The following PIK3C3 variants were observed in gnomAD, a reference collection of about 807,000 sequenced individuals.
The protein encoded by PIK3C3 is phosphatidylinositol 3-kinase catalytic subunit type 3.
Under a neutral mutation model 126.1 loss-of-function variants are expected in PIK3C3, and 95 were observed. The observed-to-expected ratio is 0.75, with a 90% CI of 0.64 to 0.89. The LOEUF (loss-of-function observed/expected upper bound fraction) is 0.89, where lower values mean the gene tolerates loss of function less well. Among genes scored for constraint, PIK3C3 ranks in the 40% least tolerant of loss-of-function variants. PIK3C3 has a pLI of 0.00. For missense variants in PIK3C3, 829 were observed against 1,063.2 expected, an observed-to-expected ratio of 0.78 and a Z score of 3.06; for synonymous variants, 374 against 360.0, an observed-to-expected ratio of 1.04 and a Z score of -0.44.
intron 11 of PIK3C3, among the ~76,000 whole-genome samples, chr18:42,013,863 C>T (rs1375494702): frequency 6.6e-6 from 1 of 152,120 alleles, no homozygotes; most frequent in African/African-American, 2.4e-5. Context: ...TACATATTCT[C>T]TATGTGTCTC....
At chr18:42,028,831 G>A (rs1172252370) in intron 14 of PIK3C3, among the ~76,000 whole-genome samples, 1 of 152,216 alleles carries the variant, frequency 6.6e-6, no homozygotes, top group Non-Finnish European at 1.5e-5. Flanking sequence ...ACATAGGACC[G>A]TATAGCATTT....
In PIK3C3 at chr18:41,993,302, T is replaced by C; in HGVS notation, c.747T>C (p.Ser249=). ...ATGAATCATCTCCAATTTTAACAAG[T>C]TTTGAATTAGTGAAAGTTCCTGACC... is the stretch of plus-strand genomic sequence containing the variant. ...DGDESSPILT[S]FELVKVPDPQ... The change falls in exon 7 of 25, where the codon AGT becomes AGC. Residue 249 remains serine, a synonymous_variant. Transcript: ENST00000262039. 1 of 1,610,410 alleles carries C rather than the reference T, an allele frequency of 6.2e-7. No homozygotes were observed. Among genetic ancestry groups the C allele is most frequent in the Non-Finnish European group, 8.5e-7 (1 of 1,177,510 alleles).
intron 4 of PIK3C3, chr18:41,971,302 A>G (rs370392562): frequency 6.6e-6 from 1 of 152,078 alleles, no homozygotes; most frequent in East Asian, 1.9e-4. Flanking sequence ...TTTTGTTGCT[A>G]AGCTTTTAAC....
intron 14 of PIK3C3, 84 bp from the exon 15 acceptor site, chr18:42,029,241 T>C (rs1438013236): frequency 1.4e-5 from 11 of 780,798 alleles, no homozygotes; most frequent in South Asian, 1.3e-4. Context: ...GTGAGAAATA[T>C]GAATAAGGAT....
intron 17 of PIK3C3, among the ~76,000 whole-genome samples, chr18:42,038,474 T>C (rs957272156): frequency 1.3e-5 from 2 of 152,054 alleles, no homozygotes; most frequent in African/African-American, 4.8e-5. Flanking sequence ...CCCGAGTAGT[T>C]GGGACTACAG....
chr18:42,079,667 G>A (rs986001098), intron 24 of PIK3C3, among the ~76,000 whole-genome samples: 1 of 152,070 alleles, frequency 6.6e-6, no homozygotes, highest in Admixed American at 6.6e-5. Flanking sequence ...AGAGACCTTT[G>A]GTTCAATAGC....
chr18:41,968,976 A>C (rs1262740856), intron 3 of PIK3C3, among the ~76,000 whole-genome samples: 1 of 151,362 alleles, frequency 6.6e-6, no homozygotes, highest in East Asian at 1.9e-4. Flanking sequence ...GTACCCACCT[A>C]ATTTTAGTTT....
In PIK3C3 at chr18:41,970,367, A is replaced by G; in HGVS notation, c.442A>G (p.Asn148Asp). 6.2e-7 allele frequency: 1 copy of G among 1,613,098 alleles called. No homozygotes were observed. Among genetic ancestry groups the G allele is most frequent in the African/African-American group, 1.3e-5 (1 of 74,982 alleles). Residue 148 changes from asparagine to aspartate, a missense_variant, in exon 4 of 25, where the codon AAT becomes GAT. Physicochemically the swap from Asn to Asp is conservative, Grantham distance 23 (BLOSUM62 1). Transcript: ENST00000262039. ...GATGCATGACTTGAAAGTCTGGCCT[A>G]ATGTAGAAGCAGATGGATCAGAACC... ...QGMHDLKVWPNVEADGSEPTK... is the reference protein window; with the variant it reads ...QGMHDLKVWPDVEADGSEPTK...
chr18:42,053,563 A>G (rs538932207), intron 21 of PIK3C3, among the ~76,000 whole-genome samples: 1 of 152,324 alleles, frequency 6.6e-6, no homozygotes, highest in South Asian at 2.1e-4. Context: ...AAGAAATTAC[A>G]AAGCTAGGCT....
intron 3 of PIK3C3, among the ~76,000 whole-genome samples, chr18:41,968,022 TC>T (rs1980460199): frequency 6.6e-6 from 1 of 152,222 alleles, no homozygotes; most frequent in Non-Finnish European, 1.5e-5. Context: ...TCTGCAAAGT[TC>T]CATTAGTGTC....
Position 42,027,168 on chromosome 18 carries a change from G to A in PIK3C3, c.1485-275G>A, listed in dbSNP as rs1983606945. The A allele has an allele frequency of 3.3e-5, 7 of 210,856 alleles. No homozygotes were observed. In the South Asian group the frequency reaches 5.5e-4, roughly 16 times the overall value. 13.1% of individuals were successfully genotyped at this position (210,856 alleles called of 1,614,324 possible). A position where few individuals can be genotyped will look rare whatever the true frequency, so the allele number is the denominator to read the frequency against. On this transcript the variant is annotated intron_variant, in intron 13 of 24. Transcript: ENST00000262039. ...TGTTAATACTCTACCTCATAAATAG[G>A]AGAAAATGCTTGTTTTGGTGGCAAA...
chr18:41,970,381 T>C lies in PIK3C3; in HGVS notation c.456T>C (p.Asp152=). The change falls in exon 4 of 25, where the codon GAT becomes GAC. Residue 152 remains aspartate (D), a synonymous_variant. Transcript: ENST00000262039. ...AAGTCTGGCCTAATGTAGAAGCAGATGGATCAGAACCCACAAAAACTCCTG... is the reference window on the plus strand; with the variant it reads ...AAGTCTGGCCTAATGTAGAAGCAGACGGATCAGAACCCACAAAAACTCCTG... ...DLKVWPNVEA[D]GSEPTKTPGR... is the part of the protein sequence containing the mutation. The C allele has an allele frequency of 6.2e-7, 1 of 1,613,322 alleles. No homozygotes were observed. Among genetic ancestry groups the C allele is most frequent in the Non-Finnish European group, 8.5e-7 (1 of 1,179,326 alleles).
intron 14 of PIK3C3, among the ~76,000 whole-genome samples, chr18:42,027,955 C>T (rs889860960): frequency 3.3e-5 from 5 of 152,082 alleles, no homozygotes; most frequent in Non-Finnish European, 2.9e-5. Flanking sequence ...TATACCTGGC[C>T]TGGTTTAGCG....
intron 17 of PIK3C3, among the ~76,000 whole-genome samples, chr18:42,038,042 T>A (rs1598919616): frequency 6.6e-6 from 1 of 152,296 alleles, no homozygotes; most frequent in African/African-American, 2.4e-5. Context: ...TTCCATTAAT[T>A]TTTTTTCCAA....
intron 12 of PIK3C3, among the ~76,000 whole-genome samples, chr18:42,016,084 A>G (rs1983061212): frequency 6.6e-6 from 1 of 152,152 alleles, no homozygotes; most frequent in Non-Finnish European, 1.5e-5. Flanking sequence ...TTTGTCTATA[A>G]GACTTCTAAT....
At chr18:42,052,588 C>G (rs576420711) in intron 21 of PIK3C3, 1 of 152,190 alleles carries the variant, frequency 6.6e-6, no homozygotes, top group African/African-American at 2.4e-5. Flanking sequence ...AAGTATAATG[C>G]ATTCTTCAAG....
chr18:41,962,591 G>A lies in PIK3C3; in HGVS notation c.360G>A (p.Val120=), dbSNP rs1194245660. The A allele has an allele frequency of 6.2e-7, 1 of 1,612,800 alleles. No homozygotes were observed. Among genetic ancestry groups the A allele is most frequent in the East Asian group, 2.2e-5 (1 of 44,812 alleles). The change falls in exon 3 of 25, where the codon GTG becomes GTA. Residue 120 remains valine, a synonymous_variant. Transcript: ENST00000262039. ...ATGTGTATGGTCCCGGAAAAGCAGTGCCTGTAGGAGGAACAACGGTTTCGC... is the reference window on the plus strand; with the variant it reads ...ATGTGTATGGTCCCGGAAAAGCAGTACCTGTAGGAGGAACAACGGTTTCGC... The part of the protein sequence containing the change: ...IWDVYGPGKA[V]PVGGTTVSLF...
Position 42,044,293 on chromosome 18 carries a change from A to G in PIK3C3, c.2188+476A>G, listed in dbSNP as rs573925874. 2.0e-5 allele frequency among the ~76,000 whole-genome samples: 3 copies of G among 152,362 alleles called. No homozygotes were observed. In the East Asian group the frequency reaches 5.8e-4, roughly 29 times the overall value. On this transcript the variant is annotated intron_variant, in intron 20 of 24. Transcript: ENST00000262039. ...AGCAGTAGTAGTATTTCCTAGAAAT[A>G]AATAGTAAGTGACATAGGGATTAAT...
intron 20 of PIK3C3, among the ~76,000 whole-genome samples, chr18:42,046,515 TA>T (rs983209197): frequency 6.6e-6 from 1 of 152,134 alleles, no homozygotes; most frequent in African/African-American, 2.4e-5. Flanking sequence ...AGTTTTTTTA[TA>T]AAAACAATTT....
Sources: gnomAD v4.1 joint callset for allele counts (sites outside exome capture counted in the v4.1 genomes callset) on GRCh38, gnomAD v4.1.1 for gene constraint, MANE v1.5 for transcripts, NCBI Gene and HGNC (gene_info 2026-07-23, HGNC 2026-07-21) for gene names.